The following FGD5 variants were observed in gnomAD, a reference collection of about 807,000 sequenced individuals.
FGD5 encodes the protein FYVE, RhoGEF and PH domain-containing protein 5.
A neutral mutation model predicts 133.4 loss-of-function variants in FGD5; 28 were observed. The ratio of observed to expected loss-of-function variants is 0.21; its 90% confidence interval spans 0.16 to 0.29. FGD5 has a LOEUF of 0.29. Ranked by LOEUF, FGD5 falls within the 10% of genes least tolerant of loss-of-function variation. FGD5 has a pLI of 1.00. For missense variants in FGD5, 1,858 were observed against 1,895.2 expected (o/e 0.98, Z 0.36); for synonymous variants, 810 against 776.5 (o/e 1.04, Z -0.72).
intron 1 of FGD5, 82 bp downstream of exon 1, chr3:14,821,678 T>TG: frequency 2.1e-6 from 3 of 1,439,870 alleles, no homozygotes; most frequent in Non-Finnish European, 2.7e-6. Flanking sequence ...CAGATGGACT[T>TG]GCTTTCCAGC....
chr3:14,810,767 C>A (rs1183096458), upstream of FGD5: 8 of 975,686 alleles, frequency 8.2e-6, no homozygotes, highest in African/African-American at 1.8e-5. Context: ...GCGGGGCGGC[C>A]GCGGAGGGAG....
At chr3:14,818,855 G>A (rs550987829), upstream of FGD5, 857 of 1,289,638 alleles carry the variant, frequency 6.6e-4, 10 homozygotes, top group South Asian at 0.012. Flanking sequence ...ATGGATGGAC[G>A]GAACCATCTG....
At chr3:14,824,725 A>T (rs886819579) in intron 1 of FGD5, among the ~76,000 whole-genome samples, 4 of 152,202 alleles carry the variant, frequency 2.6e-5, no homozygotes, top group African/African-American at 9.6e-5. Context: ...CTTTTCTTTA[A>T]ATCAGCCCAT....
chr3:14,820,686 G>A lies in FGD5; in HGVS notation c.1615G>A (p.Ala539Thr), dbSNP rs539433288. Reference sequence around the variant, plus strand: ...CTTGGAAGCCAGCAGGGCCTTGCCAGCAAAGCCCAGGGCCTTTACTTTATA... The same window carrying A: ...CTTGGAAGCCAGCAGGGCCTTGCCAACAAAGCCCAGGGCCTTTACTTTATA... ...KPLEASRALP[A>T]KPRAFTLYPR... is the part of the protein sequence containing the mutation. Residue 539 changes from alanine (A) to threonine (T), a missense_variant, in exon 1 of 20, where the codon GCA becomes ACA. By Grantham distance (58) the Ala-to-Thr change is moderately conservative. Transcript: ENST00000285046. 2.3e-4 allele frequency: 370 copies of A among 1,590,276 alleles called. 3 individuals are homozygous for A. The South Asian group carries it at 4.0e-3, about 17-fold the overall frequency.
chr3:14,867,089 C>G (rs1299083820), intron 2 of FGD5, among the ~76,000 whole-genome samples: 1 of 152,258 alleles, frequency 6.6e-6, no homozygotes, highest in Non-Finnish European at 1.5e-5. Context: ...AAAACCTACA[C>G]TTTAATTGCA....
In FGD5 at chr3:14,880,602, G is replaced by T. The variant is rs746373403; in HGVS notation, c.2689G>T (p.Ala897Ser). The T allele has an allele frequency of 6.2e-7, 1 of 1,613,892 alleles. No homozygotes were observed. Among genetic ancestry groups the T allele is most frequent in the East Asian group, 2.2e-5 (1 of 44,866 alleles). The change falls in exon 3 of 20, where the codon GCA becomes TCA. Residue 897 changes from alanine (A) to serine (S), a missense_variant. Physicochemically the swap from Ala to Ser is moderately conservative, Grantham distance 99. Around this residue, in one of 3 missense-constraint regions of FGD5, gnomAD observed 1,824 missense variants for 1,848.9 expected, o/e 0.99. Transcript: ENST00000285046. Reference sequence around the variant, plus strand: ...AGGACAGTCCAGAGCCCTTGTCATCGCACAGGAACTGCTATCTTCAGAGAA... The same window carrying T: ...AGGACAGTCCAGAGCCCTTGTCATCTCACAGGAACTGCTATCTTCAGAGAA... ...VEGQSRALVI[A>S]QELLSSEKAY...
chr3:14,863,127 C>T (rs2125103903), intron 1 of FGD5, among the ~76,000 whole-genome samples: 1 of 152,356 alleles, frequency 6.6e-6, no homozygotes, highest in South Asian at 2.1e-4. Flanking sequence ...GTCCTGCCAT[C>T]CGTCAGTCAT....
rs1262131233 is a variant in FGD5 at position 14,921,943 on chromosome 3, T to A, written c.3595T>A (p.Tyr1199Asn). The A allele has an allele frequency of 2.5e-6, 4 of 1,570,938 alleles. No individual in the cohort carries two copies. Among genetic ancestry groups the A allele is most frequent in the Non-Finnish European group, 3.5e-6 (4 of 1,158,062 alleles). The change falls in exon 14 of 20, where the codon TAT becomes AAT. Residue 1199 changes from tyrosine to asparagine, a missense_variant. Physicochemically the swap from Tyr to Asn is moderately radical, Grantham distance 143. Transcript: ENST00000285046. ...ASSCAERDEWYGCLSRALPED... is the reference protein window; with the variant it reads ...ASSCAERDEWNGCLSRALPED... ...CTCCTGTGCAGAGAGGGACGAGTGG[T>A]ATGGCTGTCTGAGCAGAGCCCTCCC...
At chr3:14,827,475 G>T (rs2036623063) in intron 1 of FGD5, among the ~76,000 whole-genome samples, 1 of 151,536 alleles carries the variant, frequency 6.6e-6, no homozygotes, top group African/African-American at 2.4e-5. Flanking sequence ...GTAGAGACTG[G>T]GTTTCACCAT....
intron 1 of FGD5, among the ~76,000 whole-genome samples, chr3:14,834,245 C>T (rs899584273): frequency 6.6e-6 from 1 of 152,084 alleles, no homozygotes; most frequent in South Asian, 2.1e-4. Context: ...AATGCATTCT[C>T]TTAGAGTCAG....
chr3:14,880,435 G>A, intron 2 of FGD5, 137 bp from the exon 3 acceptor site: 1 of 658,646 alleles, frequency 1.5e-6, no homozygotes, highest in South Asian at 2.1e-5. Context: ...GGTTAAATAA[G>A]TTGTTGAAGA....
intron 18 of FGD5, among the ~76,000 whole-genome samples, chr3:14,927,320 C>T (rs2038822071): frequency 6.6e-6 from 1 of 152,114 alleles, no homozygotes; most frequent in Non-Finnish European, 1.5e-5. Context: ...ACAGCATAAG[C>T]TTATTTTAAA....
intron 2 of FGD5, among the ~76,000 whole-genome samples, chr3:14,873,241 G>A (rs1452337317): frequency 6.6e-6 from 1 of 152,152 alleles, no homozygotes; most frequent in Non-Finnish European, 1.5e-5. Flanking sequence ...GAGGGGGCTT[G>A]TTCAGTCAGT....
chr3:14,815,549 A>G (rs1490592221), upstream of FGD5, among the ~76,000 whole-genome samples: 2 of 152,202 alleles, frequency 1.3e-5, no homozygotes, highest in Non-Finnish European at 2.9e-5. Context: ...TTGGTACTCA[A>G]TAAATATGTA....
intron 1 of FGD5, among the ~76,000 whole-genome samples, chr3:14,825,759 C>T (rs2036587806): frequency 6.6e-6 from 1 of 152,168 alleles, no homozygotes; most frequent in Non-Finnish European, 1.5e-5. Context: ...CCCTTAGTTT[C>T]CAGATAGGCT....
chr3:14,885,575 C>G (rs760663190), intron 4 of FGD5, among the ~76,000 whole-genome samples: 1 of 152,188 alleles, frequency 6.6e-6, no homozygotes, highest in Non-Finnish European at 1.5e-5. Context: ...TTGAGGCTGG[C>G]TGTTGTCCGA....
chr3:14,895,305 C>A (rs1202493555), intron 4 of FGD5, among the ~76,000 whole-genome samples: 1 of 152,134 alleles, frequency 6.6e-6, no homozygotes, highest in Non-Finnish European at 1.5e-5. Context: ...GGTATTTCCC[C>A]AATGTTTTAT....
At chr3:14,814,701 C>CCTGCTTGACATCTCCAG (rs1159271402), upstream of FGD5, among the ~76,000 whole-genome samples, 2 of 152,138 alleles carry the variant, frequency 1.3e-5, no homozygotes. Context: ...GAAGCCAGAG[C>CCTGCTTGACATCTCCAG]CTGCTTGACA....
chr3:14,928,035 G>A (rs58645120), intron 18 of FGD5, among the ~76,000 whole-genome samples: 5,974 of 151,142 alleles, frequency 0.04, 390 homozygotes, highest in African/African-American at 0.14. Context: ...TCCACCTCCC[G>A]GGTTCAAGTG....
Sources: allele counts gnomAD v4.1 joint callset (sites outside exome capture counted in the v4.1 genomes callset), GRCh38; gene constraint gnomAD v4.1.1; regional missense constraint gnomAD v4.1.1; transcripts MANE v1.5; gene names NCBI Gene and HGNC (gene_info 2026-07-23, HGNC 2026-07-21).